Variants in MSRA observed in about 807,000 individuals in gnomAD.
MSRA encodes methionine sulfoxide reductase A, also known as mitochondrial peptide methionine sulfoxide reductase.
MSRA carries 54 observed loss-of-function variants against 31.3 expected under a neutral mutation model. The observed-to-expected ratio is 1.73, with a 90% CI of 1.39 to 2.17. The LOEUF (loss-of-function observed/expected upper bound fraction) is 2.17, where lower values mean the gene tolerates loss of function less well. Ranked by LOEUF, MSRA falls within the 30% of genes most tolerant of loss-of-function variation. The probability of loss-of-function intolerance (pLI) is 0.00; values close to 1 mark genes in which losing one functional copy is unlikely to be tolerated. For synonymous variants in MSRA, 169 were observed against 116.5 expected (o/e 1.45, Z -2.90); for missense variants, 507 against 300.9 (o/e 1.69, Z -5.07).
intron 1 of MSRA, among the ~76,000 whole-genome samples, chr8:10,095,282 G>T (rs1272246148): frequency 6.6e-6 from 1 of 152,164 alleles, no homozygotes; most frequent in African/African-American, 2.4e-5. Flanking sequence ...CCTTATTGCT[G>T]AGCAGTGAAT....
At chr8:10,091,395 A>G (rs560626901) in intron 1 of MSRA, among the ~76,000 whole-genome samples, 113 of 152,336 alleles carry the variant, frequency 7.4e-4, no homozygotes, top group African/African-American at 2.6e-3. Flanking sequence ...GATGTCACAT[A>G]TTGCAGAATC....
intron 3 of MSRA, among the ~76,000 whole-genome samples, chr8:10,250,139 A>G (rs1797841720): frequency 1.3e-5 from 2 of 152,104 alleles, no homozygotes; most frequent in Non-Finnish European, 2.9e-5. Flanking sequence ...ACACCCTCAA[A>G]CAGTTGTTAT....
chr8:10,232,313 G>A (rs190151674), intron 2 of MSRA, among the ~76,000 whole-genome samples: 83 of 152,248 alleles, frequency 5.5e-4, no homozygotes, highest in African/African-American at 2.0e-3. Flanking sequence ...TCTGTTGTTG[G>A]AGGGTTTGTT....
At chr8:10,402,206 A>G (rs1213255947) in intron 5 of MSRA, among the ~76,000 whole-genome samples, 2 of 152,278 alleles carry the variant, frequency 1.3e-5, no homozygotes, top group East Asian at 3.9e-4. Context: ...CCAGGGATTC[A>G]TCCCCTCCCA....
intron 5 of MSRA, among the ~76,000 whole-genome samples, chr8:10,378,712 G>A (rs1194465689): frequency 2.0e-5 from 3 of 152,234 alleles, no homozygotes; most frequent in Non-Finnish European, 2.9e-5. Context: ...CTGGGAACTT[G>A]TTAAAAATGC....
At chr8:10,194,530 C>T (rs1390303322) in intron 1 of MSRA, among the ~76,000 whole-genome samples, 1 of 152,208 alleles carries the variant, frequency 6.6e-6, no homozygotes, top group Non-Finnish European at 1.5e-5. Context: ...CATGCTAATG[C>T]ACTTCTGCCT....
intron 5 of MSRA, among the ~76,000 whole-genome samples, chr8:10,410,509 T>C (rs1808091135): frequency 6.6e-6 from 1 of 152,216 alleles, no homozygotes; most frequent in South Asian, 2.1e-4. Context: ...CCATGTGATG[T>C]ATTATCTCAA....
chr8:10,402,384 C>T (rs891627090), intron 5 of MSRA, among the ~76,000 whole-genome samples: 2 of 152,218 alleles, frequency 1.3e-5, no homozygotes, highest in Non-Finnish European at 2.9e-5. Context: ...TGTGGTTCTT[C>T]CTCGACAGCC....
chr8:10,201,770 T>A (rs1390592535), intron 1 of MSRA, among the ~76,000 whole-genome samples: 1 of 152,222 alleles, frequency 6.6e-6, no homozygotes, highest in Admixed American at 6.5e-5. Context: ...CCAGTCTTGG[T>A]CTAATTAACT....
At chr8:10,103,777 A>G (rs1365378279) in intron 1 of MSRA, among the ~76,000 whole-genome samples, 1 of 152,128 alleles carries the variant, frequency 6.6e-6, no homozygotes, top group African/African-American at 2.4e-5. Flanking sequence ...AGTATTAAAT[A>G]AAGTAGAATG....
chr8:10,181,655 G>A (rs1037360699), intron 1 of MSRA, among the ~76,000 whole-genome samples: 7 of 152,076 alleles, frequency 4.6e-5, no homozygotes, highest in Non-Finnish European at 1.0e-4. Flanking sequence ...CCAGAGAGAG[G>A]GCAAGAGTAG....
At chr8:10,117,855 G>C (rs1188772105) in intron 1 of MSRA, among the ~76,000 whole-genome samples, 2 of 152,166 alleles carry the variant, frequency 1.3e-5, no homozygotes, top group Non-Finnish European at 2.9e-5. Context: ...ATGAATCCCT[G>C]ATTACTGTGA....
At chr8:10,184,826 C>G (rs1806878667) in intron 1 of MSRA, among the ~76,000 whole-genome samples, 1 of 152,134 alleles carries the variant, frequency 6.6e-6, no homozygotes, top group African/African-American at 2.4e-5. Flanking sequence ...AGGATTCCTA[C>G]CTAGGTCTTC....
intron 5 of MSRA, among the ~76,000 whole-genome samples, chr8:10,389,004 A>G (rs1401445359): frequency 2.0e-5 from 3 of 152,108 alleles, no homozygotes; most frequent in African/African-American, 4.8e-5. Context: ...CTGTTGACAT[A>G]TTTATGCCTA....
At chr8:10,271,673 G>C (rs1585327428) in intron 3 of MSRA, among the ~76,000 whole-genome samples, 1 of 151,464 alleles carries the variant, frequency 6.6e-6, no homozygotes, top group East Asian at 1.9e-4. Context: ...AAAATAGTTT[G>C]CTGTAGAATT....
chr8:10,313,476 A>G (rs867821016), intron 4 of MSRA, among the ~76,000 whole-genome samples: 16 of 152,076 alleles, frequency 1.1e-4, no homozygotes, highest in Admixed American at 5.9e-4. Flanking sequence ...CTAAAAAAAA[A>G]AAAACAAAAA....
At chr8:10,410,784 C>T (rs762887219) in intron 5 of MSRA, among the ~76,000 whole-genome samples, 1 of 152,182 alleles carries the variant, frequency 6.6e-6, no homozygotes, top group Non-Finnish European at 1.5e-5. Context: ...TTTGTAACTC[C>T]AGTTAACATG....
chr8:10,369,965 A>T (rs574481010), intron 5 of MSRA, among the ~76,000 whole-genome samples: 1 of 152,350 alleles, frequency 6.6e-6, no homozygotes, highest in African/African-American at 2.4e-5. Flanking sequence ...TCTAACATCA[A>T]ATCCTTGATG....
chr8:10,266,662 C>T (rs1798763814), intron 3 of MSRA, among the ~76,000 whole-genome samples: 1 of 151,710 alleles, frequency 6.6e-6, no homozygotes, highest in Non-Finnish European at 1.5e-5. Flanking sequence ...ATTTGTCTAA[C>T]ACAAATATTT....
Sources: gnomAD v4.1 joint callset for allele counts (sites outside exome capture counted in the v4.1 genomes callset) on GRCh38, gnomAD v4.1.1 for gene constraint, MANE v1.5 for transcripts, NCBI Gene and HGNC (gene_info 2026-07-23, HGNC 2026-07-21) for gene names.